Variants in STARD13 observed in about 807,000 individuals in gnomAD.
STARD13 encodes the protein stAR-related lipid transfer protein 13.
Under a neutral mutation model 106.4 loss-of-function variants are expected in STARD13, and 62 were observed. The observed-to-expected ratio is 0.58, with a 90% CI of 0.48 to 0.72. The LOEUF is 0.72. Ranked by LOEUF, STARD13 falls within the 30% of genes least tolerant of loss-of-function variation. The pLI is 0.00. For synonymous variants in STARD13, 565 were observed against 553.0 expected (o/e 1.02, Z -0.31); for missense variants, 1,387 against 1,424.0 (o/e 0.97, Z 0.42).
the STARD13 span, among the ~76,000 whole-genome samples, chr13:33,604,369 T>C: frequency 6.6e-6 from 1 of 152,176 alleles, no homozygotes; most frequent in Admixed American, 6.5e-5. Flanking sequence ...AGACACATGA[T>C]AGTGAAATTA....
the STARD13 span, among the ~76,000 whole-genome samples, chr13:33,506,202 A>G: frequency 6.6e-6 from 1 of 152,206 alleles, no homozygotes; most frequent in Non-Finnish European, 1.5e-5. Flanking sequence ...CATAAGAAAG[A>G]AGCATTAAAG....
intron 1 of STARD13, among the ~76,000 whole-genome samples, chr13:33,181,899 T>C (rs1857089020): frequency 7.2e-6 from 1 of 138,956 alleles, no homozygotes; most frequent in Non-Finnish European, 1.6e-5. Context: ...GGAAGAAGAG[T>C]AGTGAGAAAA....
intron 1 of STARD13, among the ~76,000 whole-genome samples, chr13:33,283,882 T>C (rs1891926548): frequency 6.6e-6 from 1 of 152,118 alleles, no homozygotes; most frequent in Admixed American, 6.5e-5. Flanking sequence ...TTAAATAAAA[T>C]AAATTATTGT....
At chr13:33,205,272 A>G (rs2092561296) in intron 1 of STARD13, among the ~76,000 whole-genome samples, 1 of 152,240 alleles carries the variant, frequency 6.6e-6, no homozygotes, top group Admixed American at 6.5e-5. Context: ...AAGATAAACT[A>G]CAGAAGATCC....
the STARD13 span, among the ~76,000 whole-genome samples, chr13:33,629,422 G>A: frequency 6.6e-6 from 1 of 152,152 alleles, no homozygotes; most frequent in Non-Finnish European, 1.5e-5. Context: ...ATACAATGCT[G>A]CCAGCCATAT....
At chr13:33,168,661 T>C (rs1385676222) in intron 1 of STARD13, among the ~76,000 whole-genome samples, 1 of 152,232 alleles carries the variant, frequency 6.6e-6, no homozygotes, top group Non-Finnish European at 1.5e-5. Flanking sequence ...ACTATGATGC[T>C]AATTTTTCCC....
chr13:33,465,366 C>G, the STARD13 span, among the ~76,000 whole-genome samples: 2 of 151,936 alleles, frequency 1.3e-5, no homozygotes, highest in African/African-American at 4.8e-5. Context: ...CCACCACGCC[C>G]GGCTAATTGT....
chr13:33,351,283 A>G (rs1009837045), upstream of STARD13, among the ~76,000 whole-genome samples: 3 of 152,272 alleles, frequency 2.0e-5, no homozygotes, highest in African/African-American at 7.2e-5. Flanking sequence ...AAGCATTACA[A>G]TCTGTATGCA....
At chr13:33,471,153 G>A in the STARD13 span, among the ~76,000 whole-genome samples, 2 of 152,082 alleles carry the variant, frequency 1.3e-5, no homozygotes, top group African/African-American at 4.8e-5. Context: ...GGTAGCCAGA[G>A]CTGTGCAGGT....
chr13:33,529,730 C>T, the STARD13 span, among the ~76,000 whole-genome samples: 1 of 152,186 alleles, frequency 6.6e-6, no homozygotes. Flanking sequence ...GAGGTGGTAA[C>T]CTTTAAACTA....
intron 3 of STARD13, 22 bp from the exon 4 acceptor site, chr13:33,142,395 A>G (rs1260468943): frequency 6.3e-7 from 1 of 1,595,416 alleles, no homozygotes; most frequent in African/African-American, 1.3e-5. Context: ...GAAAAATGTG[A>G]TGATTACTTT....
At chr13:33,435,664 T>C in the STARD13 span, among the ~76,000 whole-genome samples, 2 of 152,148 alleles carry the variant, frequency 1.3e-5, no homozygotes, top group Non-Finnish European at 2.9e-5. Flanking sequence ...AAGGCTCTGG[T>C]TTCACTGGAA....
the STARD13 span, among the ~76,000 whole-genome samples, chr13:33,559,163 T>C: frequency 6.6e-6 from 1 of 151,784 alleles, no homozygotes; most frequent in Middle Eastern, 3.4e-3. Flanking sequence ...GAGGAAAGGT[T>C]TGGAAAATGC....
intron 1 of STARD13, chr13:33,277,966 A>G (rs1447885217): frequency 6.6e-6 from 1 of 152,152 alleles, no homozygotes; most frequent in Non-Finnish European, 1.5e-5. Flanking sequence ...AATACTTGCA[A>G]TGTTCCTCTC....
the STARD13 span, among the ~76,000 whole-genome samples, chr13:33,400,926 A>G: frequency 6.6e-6 from 1 of 152,128 alleles, no homozygotes; most frequent in African/African-American, 2.4e-5. Context: ...TTAACGTGGA[A>G]TGTCAAAACG....
the STARD13 span, among the ~76,000 whole-genome samples, chr13:33,356,505 G>C: frequency 6.6e-6 from 1 of 152,106 alleles, no homozygotes; most frequent in Non-Finnish European, 1.5e-5. Context: ...TAGCCAACTA[G>C]GTTCATACCA....
rs1384415279 is a variant in STARD13, at chr13:33,273,627, T to C, written c.169+11843A>G. On this transcript the variant is annotated intron_variant, in intron 1 of 13. Transcript: ENST00000336934. Reference sequence around the variant, plus strand: ...TCATAGCTGAGGGATTCAACAAATATGAAGAATATTCCTCAATCAAAAGGA... The same window carrying C: ...TCATAGCTGAGGGATTCAACAAATACGAAGAATATTCCTCAATCAAAAGGA... Among the ~76,000 whole-genome samples, 3 of 152,318 alleles carry C rather than the reference T, an allele frequency of 2.0e-5. No homozygotes were observed. In the South Asian group the frequency reaches 6.2e-4, roughly 32 times the overall value.
the STARD13 span, among the ~76,000 whole-genome samples, chr13:33,612,435 C>T: frequency 6.6e-6 from 1 of 151,980 alleles, no homozygotes; most frequent in Non-Finnish European, 1.5e-5. Flanking sequence ...CACAACCTGA[C>T]CGGTCTGATC....
chr13:33,540,671 A>T, the STARD13 span, among the ~76,000 whole-genome samples: 22 of 152,382 alleles, frequency 1.4e-4, no homozygotes, highest in African/African-American at 5.3e-4. Flanking sequence ...GTGCAGACAC[A>T]AATAGATTCG....
Sources: gnomAD v4.1 joint callset for allele counts (sites outside exome capture counted in the v4.1 genomes callset) on GRCh38, gnomAD v4.1.1 for gene constraint, MANE v1.5 for transcripts, NCBI Gene and HGNC (gene_info 2026-07-23, HGNC 2026-07-21) for gene names.